NCOA3: variants seen among roughly 807,000 people sequenced by gnomAD.
The protein encoded by NCOA3 is CBP-interacting protein.
A neutral mutation model predicts 158.8 loss-of-function variants in NCOA3; 51 were observed. That is an observed-to-expected ratio of 0.32 (90% CI 0.26 to 0.41). The LOEUF is 0.41. Among genes scored for constraint, NCOA3 ranks in the 10% least tolerant of loss-of-function variants. The pLI is 1.00. For synonymous variants in NCOA3, 537 were observed against 592.4 expected (o/e 0.91, Z 1.36); for missense variants, 1,510 against 1,746.6 (o/e 0.86, Z 2.41).
At chr20:47,571,601 A>G (rs1023731280) in intron 1 of NCOA3, among the ~76,000 whole-genome samples, 2 of 152,068 alleles carry the variant, frequency 1.3e-5, no homozygotes, top group African/African-American at 4.8e-5. Flanking sequence ...TTTGGTGAGC[A>G]GTAGGTCTCA....
At chr20:47,534,266 TAAAA>T (rs11476485) in intron 1 of NCOA3, among the ~76,000 whole-genome samples, 3 of 140,726 alleles carry the variant, frequency 2.1e-5, no homozygotes, top group African/African-American at 5.2e-5. Flanking sequence ...TGGGATTCTT[TAAAA>T]AAAAAAAAAA....
intron 1 of NCOA3, among the ~76,000 whole-genome samples, chr20:47,535,794 C>T (rs150304796): frequency 0.014 from 2,147 of 152,204 alleles, 26 homozygotes; most frequent in Non-Finnish European, 0.022. Flanking sequence ...GTATGAGCCA[C>T]TGCGCCCGGC....
At chr20:47,592,369 A>T (rs548965151) in intron 2 of NCOA3, among the ~76,000 whole-genome samples, 1 of 152,276 alleles carries the variant, frequency 6.6e-6, no homozygotes, top group African/African-American at 2.4e-5. Flanking sequence ...TTTATAAGTC[A>T]TTAAGGTTCT....
At chr20:47,530,706 C>A (rs573151871) in intron 1 of NCOA3, among the ~76,000 whole-genome samples, 1 of 152,228 alleles carries the variant, frequency 6.6e-6, no homozygotes, top group African/African-American at 2.4e-5. Context: ...CTCAAGTGAT[C>A]CACCTGCCTT....
At chr20:47,523,201 A>T (rs183621958) in intron 1 of NCOA3, among the ~76,000 whole-genome samples, 1 of 152,056 alleles carries the variant, frequency 6.6e-6, no homozygotes, top group Non-Finnish European at 1.5e-5. Context: ...AAAACAAAAA[A>T]CCACGAAAAC....
chr20:47,502,068 C>G (rs2083940780), intron 1 of NCOA3, 49 bp downstream of exon 1: 3 of 399,168 alleles, frequency 7.5e-6, no homozygotes, highest in Non-Finnish European at 1.3e-5. Context: ...GGGTGGAGTG[C>G]GAGGCGGAGG....
chr20:47,521,510 C>A (rs951386528), intron 1 of NCOA3, among the ~76,000 whole-genome samples: 1 of 152,106 alleles, frequency 6.6e-6, no homozygotes, highest in Non-Finnish European at 1.5e-5. Context: ...TAGGGTTAGA[C>A]TGCACAGGCT....
At chr20:47,519,773 T>C (rs13036723) in intron 1 of NCOA3, among the ~76,000 whole-genome samples, 48,571 of 151,216 alleles carry the variant, frequency 0.32, 8,316 homozygotes, top group Middle Eastern at 0.4. Flanking sequence ...CACAGAAAAT[T>C]TTTTTTTTTG....
chr20:47,548,239 TA>T (rs3091531), intron 1 of NCOA3, among the ~76,000 whole-genome samples: 54,308 of 148,260 alleles, frequency 0.37, 9,875 homozygotes, highest in African/African-American at 0.41. Context: ...AAGGTTCCTT[TA>T]AAAAAAAAAA....
chr20:47,608,657 A>G (rs998008677), intron 2 of NCOA3, among the ~76,000 whole-genome samples: 2 of 151,558 alleles, frequency 1.3e-5, no homozygotes, highest in East Asian at 1.9e-4. Context: ...AAAAAAAAAA[A>G]AAAGGTGAAT....
intron 22 of NCOA3, 32 bp from the exon 23 acceptor site, chr20:47,653,368 ATTTTTT>A (rs545375540): frequency 4.5e-4 from 619 of 1,389,356 alleles, no homozygotes; most frequent in Middle Eastern, 1.7e-3. Flanking sequence ...TGTTTTACTC[ATTTTTT>A]TTTTTTTTTT....
chr20:47,571,987 C>G (rs890717894), intron 1 of NCOA3, among the ~76,000 whole-genome samples: 6 of 152,168 alleles, frequency 3.9e-5, no homozygotes, highest in African/African-American at 1.4e-4. Context: ...CTTGGCCTCC[C>G]AAAGTGTTGG....
intron 1 of NCOA3, among the ~76,000 whole-genome samples, chr20:47,525,884 G>A (rs1256646116): frequency 1.4e-5 from 2 of 142,264 alleles, no homozygotes; most frequent in Admixed American, 6.8e-5. Context: ...CTGGCCGGGC[G>A]GGGGGCTGAC....
intron 1 of NCOA3, among the ~76,000 whole-genome samples, chr20:47,540,165 A>C (rs900405116): frequency 6.6e-6 from 1 of 152,194 alleles, no homozygotes; most frequent in Non-Finnish European, 1.5e-5. Context: ...AAAATAGTAC[A>C]TTGGCCTGTA....
At chr20:47,644,677 T>C (rs2086660567) in intron 17 of NCOA3, among the ~76,000 whole-genome samples, 1 of 151,966 alleles carries the variant, frequency 6.6e-6, no homozygotes, top group African/African-American at 2.4e-5. Flanking sequence ...CCTAGCCCTT[T>C]TATTTCAGGA....
chr20:47,537,516 T>C (rs181193994), intron 1 of NCOA3, among the ~76,000 whole-genome samples: 1 of 151,858 alleles, frequency 6.6e-6, no homozygotes, highest in Non-Finnish European at 1.5e-5. Context: ...GGAAAGAAAA[T>C]GTAAAACTGC....
In NCOA3 at chr20:47,632,409, A is replaced by G. The variant is rs186056991; in HGVS notation, c.824-1087A>G. Among the ~76,000 whole-genome samples, 640 of 139,876 alleles carry G rather than the reference A, an allele frequency of 4.6e-3. 2 individuals are homozygous for G. The highest frequency in any genetic ancestry group is 6.3e-3 in the Non-Finnish European group (414 of 65,654). 91.8% of individuals were successfully genotyped at this position (139,876 alleles called of 152,430 possible). ...TTTTTTTTTTTTTTTTTAATTGGAG[A>G]TGGAGTCTTGCTCTGTTGCCTAGGC... is the stretch of plus-strand genomic sequence containing the variant. On this transcript the variant is annotated intron_variant, in intron 8 of 22. Coordinates refer to ENST00000371998, the MANE Select transcript of NCOA3 (RefSeq NM_181659.3).
At chr20:47,512,217 T>C (rs1044522194) in intron 1 of NCOA3, among the ~76,000 whole-genome samples, 4 of 152,138 alleles carry the variant, frequency 2.6e-5, no homozygotes, top group Admixed American at 6.5e-5. Flanking sequence ...AAAAAAGTTT[T>C]TCTTCTAGAA....
At chr20:47,652,132 A>G (rs1031066965) in intron 20 of NCOA3, among the ~76,000 whole-genome samples, 5 of 152,080 alleles carry the variant, frequency 3.3e-5, no homozygotes, top group South Asian at 2.1e-4. Flanking sequence ...AGTGATACGG[A>G]GTCCCTTTTC....
Sources: gnomAD v4.1 joint callset for allele counts (sites outside exome capture counted in the v4.1 genomes callset) on GRCh38, gnomAD v4.1.1 for gene constraint, MANE v1.5 for transcripts, NCBI Gene and HGNC (gene_info 2026-07-23, HGNC 2026-07-21) for gene names.